PLEKHG1: variants seen among roughly 807,000 people sequenced by gnomAD.
PLEKHG1 encodes the protein pleckstrin homology domain-containing family G member 1.
In PLEKHG1, 44 loss-of-function variants were observed where a neutral mutation model predicts 100.8. The ratio of observed to expected loss-of-function variants is 0.44; its 90% CI spans 0.34 to 0.56. The LOEUF (loss-of-function observed/expected upper bound fraction) is 0.56. Ranked by LOEUF, PLEKHG1 falls within the 20% of genes least tolerant of loss-of-function variation. The pLI, the probability that PLEKHG1 is intolerant of heterozygous loss-of-function variation, is 0.01. For synonymous variants in PLEKHG1, 640 were observed against 662.5 expected (o/e 0.97, Z 0.52); for missense variants, 1,545 against 1,720.9 (o/e 0.90, Z 1.81).
intron 3 of PLEKHG1, among the ~76,000 whole-genome samples, chr6:150,699,075 G>A (rs145024498): frequency 5.9e-5 from 9 of 152,146 alleles, no homozygotes; most frequent in Non-Finnish European, 1.0e-4. Flanking sequence ...CTTAAAACTG[G>A]TGAAATCTGA....
chr6:150,672,983 G>A (rs1034797594), intron 3 of PLEKHG1, among the ~76,000 whole-genome samples: 1 of 152,136 alleles, frequency 6.6e-6, no homozygotes, highest in Non-Finnish European at 1.5e-5. Context: ...TTTAATTACT[G>A]TGTTTGGCAG....
At chr6:150,735,022 T>C (rs1782490647) in intron 2 of PLEKHG1, among the ~76,000 whole-genome samples, 1 of 149,760 alleles carries the variant, frequency 6.7e-6, no homozygotes, top group Non-Finnish European at 1.5e-5. Flanking sequence ...GTTTAGCTCT[T>C]GTTTCCCAGG....
chr6:150,832,301 ACT>A (rs1487641345), intron 15 of PLEKHG1, 96 bp downstream of exon 16: 4 of 986,546 alleles, frequency 4.1e-6, no homozygotes, highest in Non-Finnish European at 5.9e-6. Context: ...CTGTGAGAAC[ACT>A]GACACTCAAG....
chr6:150,617,311 TA>T (rs1370077313), intron 1 of PLEKHG1, among the ~76,000 whole-genome samples: 2 of 152,224 alleles, frequency 1.3e-5, no homozygotes, highest in African/African-American at 4.8e-5. Context: ...ACTTCCTTTT[TA>T]AAAAGTTTTT....
At chr6:150,837,645 GT>G (rs1209439530) in intron 15 of PLEKHG1, among the ~76,000 whole-genome samples, 17 of 152,254 alleles carry the variant, frequency 1.1e-4, no homozygotes, top group African/African-American at 3.9e-4. Flanking sequence ...TATACTGTAT[GT>G]GAGAATGGCT....
intron 3 of PLEKHG1, among the ~76,000 whole-genome samples, chr6:150,705,177 A>G (rs1299643381): frequency 6.6e-6 from 1 of 152,220 alleles, no homozygotes; most frequent in Middle Eastern, 3.2e-3. Flanking sequence ...TTTTTGGTTA[A>G]CAATACCATT....
At chr6:150,672,562 A>G (rs981847722) in intron 3 of PLEKHG1, among the ~76,000 whole-genome samples, 6 of 152,248 alleles carry the variant, frequency 3.9e-5, no homozygotes, top group East Asian at 1.9e-4. Flanking sequence ...TTGATGCTCT[A>G]TTTCACCAGT....
chr6:150,672,162 C>T (rs982221705), intron 3 of PLEKHG1, among the ~76,000 whole-genome samples: 3 of 152,116 alleles, frequency 2.0e-5, no homozygotes, highest in African/African-American at 7.2e-5. Context: ...TATCAAAGAA[C>T]CCCTCTTTGG....
chr6:150,656,430 A>T (rs563585436), intron 3 of PLEKHG1, among the ~76,000 whole-genome samples: 1 of 152,186 alleles, frequency 6.6e-6, no homozygotes, highest in Non-Finnish European at 1.5e-5. Context: ...TTCTGTTGAA[A>T]ATGAGGAGGG....
intron 1 of PLEKHG1, among the ~76,000 whole-genome samples, chr6:150,634,238 C>T (rs534960414): frequency 5.9e-5 from 8 of 134,612 alleles, no homozygotes; most frequent in African/African-American, 2.2e-4. Flanking sequence ...GAGCAAAACT[C>T]GATCTCCCCC....
At chr6:150,835,031 G>T (rs17427019) in intron 15 of PLEKHG1, among the ~76,000 whole-genome samples, 38 of 152,090 alleles carry the variant, frequency 2.5e-4, no homozygotes, top group African/African-American at 9.2e-4. Flanking sequence ...GGGCCTTGCC[G>T]CTTTGCCAGG....
At chr6:150,816,954 C>A (rs1479353206) in intron 10 of PLEKHG1, among the ~76,000 whole-genome samples, 3 of 152,192 alleles carry the variant, frequency 2.0e-5, no homozygotes, top group African/African-American at 7.2e-5. Context: ...GTATCTAATG[C>A]TGCCACTGAT....
At chr6:150,666,426 T>C (rs1162371442) in intron 3 of PLEKHG1, among the ~76,000 whole-genome samples, 1 of 152,098 alleles carries the variant, frequency 6.6e-6, no homozygotes, top group African/African-American at 2.4e-5. Flanking sequence ...CATCCCACAC[T>C]CCCTCTGCTT....
chr6:150,777,513 G>A (rs1433417608), intron 3 of PLEKHG1, among the ~76,000 whole-genome samples: 5 of 146,222 alleles, frequency 3.4e-5, no homozygotes, highest in African/African-American at 1.3e-4. Flanking sequence ...TCACACTGAT[G>A]CAATCCTGGT....
intron 1 of PLEKHG1, among the ~76,000 whole-genome samples, chr6:150,618,312 C>T (rs1777150836): frequency 6.6e-6 from 1 of 152,214 alleles, no homozygotes; most frequent in Admixed American, 6.5e-5. Context: ...TTTTTGAATG[C>T]TGGATGAATA....
exon 8 of PLEKHG1, chr6:150,809,167 G>A (rs747742627): frequency 5.0e-6 from 8 of 1,613,704 alleles, no homozygotes; most frequent in Non-Finnish European, 6.8e-6. Context: ...GGGAACTGGT[G>A]CTTGAGGGAA....
intron 1 of PLEKHG1, among the ~76,000 whole-genome samples, chr6:150,614,396 A>G (rs1438079884): frequency 6.6e-6 from 1 of 152,226 alleles, no homozygotes; most frequent in Non-Finnish European, 1.5e-5. Context: ...CTTCATGCAT[A>G]AAATGGGAGA....
At chr6:150,655,699 C>T (rs1164791794) in intron 3 of PLEKHG1, among the ~76,000 whole-genome samples, 24 of 124,126 alleles carry the variant, frequency 1.9e-4, no homozygotes, top group Non-Finnish European at 2.4e-4. Context: ...CAGAGTGAGA[C>T]TCCATCTCAA....
At chr6:150,772,866 A>G (rs146229382) in intron 3 of PLEKHG1, among the ~76,000 whole-genome samples, 115 of 152,234 alleles carry the variant, frequency 7.6e-4, no homozygotes, top group African/African-American at 2.7e-3. Context: ...CCATTCTATT[A>G]GGATATTTCT....
Sources: allele counts gnomAD v4.1 joint callset (sites outside exome capture counted in the v4.1 genomes callset), GRCh38; gene constraint gnomAD v4.1.1; transcripts MANE v1.5; gene names NCBI Gene and HGNC (gene_info 2026-07-23, HGNC 2026-07-21).